The following GPR34 variants were observed in gnomAD, a reference collection of about 807,000 sequenced individuals.
GPR34 encodes the protein G protein-coupled receptor 34.
GPR34 carries 3 observed loss-of-function variants against 14.1 expected under a neutral mutation model. That is an observed-to-expected ratio of 0.21 (90% CI 0.10 to 0.55). GPR34 has a LOEUF of 0.55. Among genes scored for constraint, GPR34 ranks in the 20% least tolerant of loss-of-function variants. The probability of loss-of-function intolerance (pLI) is 0.94; values close to 1 mark genes in which losing one functional copy is unlikely to be tolerated. For missense variants in GPR34, 213 were observed against 292.8 expected, an observed-to-expected ratio of 0.73 and a Z score of 1.99; for synonymous variants, 99 against 99.9, an observed-to-expected ratio of 0.99 and a Z score of 0.05.
Position 41,696,961 on chromosome X carries a change from A to G in GPR34, c.*182A>G. On this transcript the variant is annotated 3_prime_UTR_variant, in exon 3 of 3. Transcript: ENST00000378142. ...GTACTAACTTTTAAATCTGTATGTA[A>G]AATCTTTTCAAAATACATTTTTAAG... 1 of 335,067 alleles carries G rather than the reference A, an allele frequency of 3.0e-6. No homozygotes were observed. Among genetic ancestry groups the G allele is most frequent in the East Asian group, 4.4e-5 (1 of 22,702 alleles). The allele number at this position is 335,067 out of a possible 1,213,427, so 27.6% of individuals were successfully genotyped here.
At chrX:41,692,320 G>A (rs2067583751) in intron 2 of GPR34, among the ~76,000 whole-genome samples, 1 of 111,436 alleles carries the variant, frequency 9.0e-6, no homozygotes, top group African/African-American at 3.3e-5. Flanking sequence ...TGGGGAAGGA[G>A]CCAAGCACTG....
At chrX:41,692,998 G>A (rs1258615358) in intron 2 of GPR34, among the ~76,000 whole-genome samples, 3 of 111,604 alleles carry the variant, frequency 2.7e-5, no homozygotes, top group Non-Finnish European at 3.8e-5. Flanking sequence ...ATTATGCTAA[G>A]CATTAGGTAC....
At chrX:41,695,310 CTTT>C (rs1331604938) in intron 2 of GPR34, among the ~76,000 whole-genome samples, 1 of 87,755 alleles carries the variant, frequency 1.1e-5, no homozygotes, top group Admixed American at 1.3e-4. Flanking sequence ...TTTACACTGT[CTTT>C]TTTTTTTTTT....
At chrX:41,691,059 T>TGG (rs1394959443) in intron 2 of GPR34, among the ~76,000 whole-genome samples, 1 of 112,468 alleles carries the variant, frequency 8.9e-6, no homozygotes, top group East Asian at 2.8e-4. Flanking sequence ...ACAAATGCAC[T>TGG]GGCTTTGCTT....
chrX:41,690,355 A>T (rs1339383676), intron 2 of GPR34, among the ~76,000 whole-genome samples: 3 of 106,543 alleles, frequency 2.8e-5, no homozygotes, highest in African/African-American at 1.0e-4. Flanking sequence ...TAAAAAAAAA[A>T]TTTTTTTTTG....
chrX:41,691,378 G>C (rs947263083), intron 2 of GPR34, among the ~76,000 whole-genome samples: 8 of 112,131 alleles, frequency 7.1e-5, no homozygotes, highest in Non-Finnish European at 1.5e-4. Context: ...AGTAAAGCTA[G>C]ATGGCATAAC....
chrX:41,689,513 A>G (rs2067503715), intron 1 of GPR34, among the ~76,000 whole-genome samples: 3 of 111,845 alleles, frequency 2.7e-5, no homozygotes, highest in African/African-American at 6.5e-5. Context: ...TCTTTATTAT[A>G]TTATTACTAT....
chrX:41,689,272 T>C lies in GPR34; in HGVS notation c.-173+188T>C, dbSNP rs144040174. On this transcript the variant is annotated intron_variant, in intron 1 of 2. Coordinates refer to ENST00000378142, the MANE Select transcript of GPR34 (RefSeq NM_001097579.2). ...TCTGCCTTGATTTCAAATGAGACTG[T>C]CTTTTTAGTTACTTTAAGTACTTTA... Among the ~76,000 whole-genome samples the C allele has an allele frequency of 9.3e-3, 1,040 of 111,915 alleles. 15 individuals carry two copies. The highest frequency in any genetic ancestry group is 0.032 in the African/African-American group (986 of 30,832).
intron 2 of GPR34, among the ~76,000 whole-genome samples, chrX:41,691,454 A>G (rs2067556480): frequency 8.9e-6 from 1 of 111,927 alleles, no homozygotes; most frequent in African/African-American, 3.2e-5. Flanking sequence ...ATAGAACTCA[A>G]TATTAATAAA....
At chrX:41,691,481 T>C (rs2067557699) in intron 2 of GPR34, among the ~76,000 whole-genome samples, 1 of 111,355 alleles carries the variant, frequency 9.0e-6, no homozygotes, top group African/African-American at 3.3e-5. Context: ...GCTGACCCTA[T>C]GTGATAAGGA....
At chrX:41,693,212 T>C (rs2067609675) in intron 2 of GPR34, among the ~76,000 whole-genome samples, 1 of 111,396 alleles carries the variant, frequency 9.0e-6, no homozygotes, top group South Asian at 3.7e-4. Context: ...ACAATATAGG[T>C]GGTTCCTCTA....
rs2067680044 is a variant in GPR34, at chrX:41,695,908, A to G, written c.275A>G (p.Tyr92Cys). The change falls in exon 3 of 3, where the codon TAT becomes TGT. Residue 92 changes from tyrosine to cysteine, a missense_variant. Tyr to Cys is a radical substitution (Grantham distance 194, BLOSUM62 -2). Transcript: ENST00000378142. ...CGTAAAAGAAATTCCATTCAAATTT[A>G]TCTACTTAACGTAGCCATTGCAGAC... The part of the protein sequence containing the change: ...IHRKRNSIQI[Y>C]LLNVAIADLL... 8.3e-7 allele frequency: 1 copy of G among 1,209,659 alleles called. No individual in the cohort carries two copies. Among genetic ancestry groups the G allele is most frequent in the Non-Finnish European group, 1.1e-6 (1 of 893,702 alleles).
At chrX:41,691,230 C>T (rs1425620857) in intron 2 of GPR34, among the ~76,000 whole-genome samples, 1 of 111,515 alleles carries the variant, frequency 9.0e-6, no homozygotes, top group Admixed American at 9.5e-5. Flanking sequence ...TTATGGCTAT[C>T]GGGTCTAGAA....
chrX:41,691,840 C>CAA (rs397895684), intron 2 of GPR34, among the ~76,000 whole-genome samples: 1,219 of 28,105 alleles, frequency 0.043, 196 homozygotes, highest in African/African-American at 0.12. Flanking sequence ...GACTCTGTCT[C>CAA]AAAAAAAAAA....
chrX:41,695,428 G>T (rs1399181802), intron 2 of GPR34, 127 bp from the exon 3 acceptor site: 1 of 360,141 alleles, frequency 2.8e-6, no homozygotes, highest in Admixed American at 4.9e-5. Context: ...CAATCCTTCT[G>T]CTGTAGCCTC....
rs772176854 is a variant in GPR34 at position 41,690,961 on chromosome X, T to C, written c.-80+1126T>C. On this transcript the variant is annotated intron_variant, in intron 2 of 2. Coordinates refer to ENST00000378142, the MANE Select transcript of GPR34 (RefSeq NM_001097579.2). Reference sequence around the variant, plus strand: ...GTGCTGGGATCACAGGCATGAACCATGGCGCTCAGCTGTCAATTTGTGAAT... The same window carrying C: ...GTGCTGGGATCACAGGCATGAACCACGGCGCTCAGCTGTCAATTTGTGAAT... Among the ~76,000 whole-genome samples, 214 of 111,543 alleles carry C rather than the reference T, an allele frequency of 1.9e-3. 1 individual carries two copies. Among genetic ancestry groups the C allele is most frequent in the Non-Finnish European group, 3.3e-3 (177 of 53,038 alleles).
At chrX:41,692,190 T>C (rs775232625) in intron 2 of GPR34, among the ~76,000 whole-genome samples, 1 of 112,420 alleles carries the variant, frequency 8.9e-6, no homozygotes, top group Non-Finnish European at 1.9e-5. Flanking sequence ...TAAATATTAG[T>C]TAATGGTTTG....
intron 2 of GPR34, 79 bp downstream of exon 2, chrX:41,689,914 G>A (rs1431172515): frequency 9.0e-6 from 1 of 111,279 alleles, no homozygotes; most frequent in African/African-American, 3.3e-5. Context: ...CTCATCTGGA[G>A]TCACAGTGGA....
At chrX:41,693,379 C>T (rs765593006) in intron 2 of GPR34, among the ~76,000 whole-genome samples, 2 of 111,266 alleles carry the variant, frequency 1.8e-5, no homozygotes, top group South Asian at 3.8e-4. Flanking sequence ...TTTGGGAGGC[C>T]GAAGTGGGCA....
Sources: allele counts gnomAD v4.1 joint callset (sites outside exome capture counted in the v4.1 genomes callset), GRCh38; gene constraint gnomAD v4.1.1; transcripts MANE v1.5; gene names NCBI Gene and HGNC (gene_info 2026-07-23, HGNC 2026-07-21).